The following LMO7 variants were observed in gnomAD, a reference collection of about 807,000 sequenced individuals.
LMO7 encodes LIM domain 7.
LMO7 carries 120 observed loss-of-function variants against 206.5 expected under a neutral mutation model. The observed-to-expected ratio is 0.58, with a 90% CI of 0.50 to 0.68. LMO7 has a LOEUF of 0.68. Ranked by LOEUF, LMO7 falls within the 30% of genes least tolerant of loss-of-function variation. The pLI, the probability that LMO7 is intolerant of heterozygous loss-of-function variation, is 0.00. For missense variants in LMO7, 1,959 were observed against 1,957.9 expected, an observed-to-expected ratio of 1.00 and a Z score of -0.01; for synonymous variants, 706 against 681.5, an observed-to-expected ratio of 1.04 and a Z score of -0.56.
intron 1 of LMO7, chr13:75,621,891 TTTTATA>T: frequency 6.6e-7 from 1 of 1,521,958 alleles, no homozygotes; most frequent in South Asian, 1.3e-5. Flanking sequence ...CCTTGAATAC[TTTTATA>T]TTATTACTTT....
intron 9 of LMO7, chr13:75,806,284 G>A: frequency 1.0e-6 from 1 of 983,382 alleles, no homozygotes; most frequent in South Asian, 4.7e-5. Flanking sequence ...GCATGAGCCT[G>A]CCTGCTGCGG....
Position 75,844,852 on chromosome 13 carries a change from G to T in LMO7, c.4098-475G>T, listed in dbSNP as rs370302355. The stretch of plus-strand genomic sequence containing the variant: ...TGCTGTATGCTTTAGTACCTCTTTG[G>T]AACACTAAGATGGCATTTGGTAAAT... On this transcript the variant is annotated intron_variant, in intron 25 of 30. Transcript: ENST00000377534. Among the ~76,000 whole-genome samples, 3 of 152,124 alleles carry T rather than the reference G, an allele frequency of 2.0e-5. No individual in the cohort carries two copies. The South Asian group carries it at 6.2e-4, about 32-fold the overall frequency.
Position 75,679,739 on chromosome 13 carries a change from A to G in LMO7, c.70-33443A>G, listed in dbSNP as rs940915389. Reference sequence around the variant, plus strand: ...TGGGACTGTAGGCATGTGCCACCACATTCAGTTAATTTTTGTATTTTTTGT... The same window carrying G: ...TGGGACTGTAGGCATGTGCCACCACGTTCAGTTAATTTTTGTATTTTTTGT... On this transcript the variant is annotated intron_variant, in intron 1 of 30. Transcript: ENST00000377534. 5.3e-5 allele frequency among the ~76,000 whole-genome samples: 8 copies of G among 152,148 alleles called. No homozygotes were observed. In the East Asian group the frequency reaches 1.5e-3, roughly 29 times the overall value.
intron 1 of LMO7, among the ~76,000 whole-genome samples, chr13:75,695,963 C>G (rs1350276616): frequency 6.6e-6 from 1 of 152,114 alleles, no homozygotes; most frequent in Admixed American, 6.5e-5. Flanking sequence ...AAAACTGGTC[C>G]CAAGGCTGTT....
At chr13:75,800,598 TA>T (rs1396784339) in intron 6 of LMO7, 85 bp from the exon 7 acceptor site, 34 of 1,254,966 alleles carry the variant, frequency 2.7e-5, no homozygotes, top group Non-Finnish European at 3.9e-5. Flanking sequence ...CAACTTAAAT[TA>T]GGCAAACAAG....
intron 3 of LMO7, among the ~76,000 whole-genome samples, chr13:75,759,539 T>C (rs1340007060): frequency 6.6e-6 from 1 of 152,164 alleles, no homozygotes; most frequent in Non-Finnish European, 1.5e-5. Flanking sequence ...GCTGTTCAAC[T>C]TTTGACTTGC....
At chr13:75,727,178 C>A in intron 3 of LMO7, 80 bp downstream of exon 3, 1 of 797,198 alleles carries the variant, frequency 1.3e-6, no homozygotes, top group Non-Finnish European at 2.1e-6. Context: ...ATTTTTGTAT[C>A]TGCAATTACC....
In LMO7 at chr13:75,838,455, A is replaced by G; in HGVS notation, c.3451+259A>G. 4 of 87,188 alleles carry G rather than the reference A, an allele frequency of 4.6e-5. 1 individual carries two copies. The highest frequency in any genetic ancestry group is 2.3e-4 in the East Asian group (1 of 4,336). 5.4% of individuals were successfully genotyped at this position (87,188 alleles called of 1,614,324 possible). A position where few individuals can be genotyped will look rare whatever the true frequency, so the allele number is the denominator to read the frequency against. Reference sequence around the variant, plus strand: ...TTACTTTTTTTTTTTTAACTTTGTAAAAAAAAAAAAAAAAAAAAAGGGAGA... The same window carrying G: ...TTACTTTTTTTTTTTTAACTTTGTAGAAAAAAAAAAAAAAAAAAAGGGAGA... On this transcript the variant is annotated intron_variant, in intron 20 of 30. Coordinates refer to ENST00000377534, the MANE Select transcript of LMO7 (RefSeq NM_001306080.2).
intron 2 of LMO7, among the ~76,000 whole-genome samples, chr13:75,623,896 C>A (rs1250193227): frequency 2.0e-5 from 3 of 152,136 alleles, no homozygotes; most frequent in Non-Finnish European, 4.4e-5. Context: ...TGGGAGAATA[C>A]AATCAGTTTA....
intron 1 of LMO7, among the ~76,000 whole-genome samples, chr13:75,692,807 G>T (rs769272417): frequency 2.0e-5 from 3 of 152,124 alleles, no homozygotes; most frequent in Non-Finnish European, 4.4e-5. Context: ...TTCTCTAGGA[G>T]ATTTAACTTA....
rs370412695 is a variant in LMO7 at position 75,823,655 on chromosome 13, G to T, written c.2731G>T (p.Ala911Ser). Residue 911 changes from alanine to serine, a missense_variant, in exon 15 of 31, where the codon GCA (alanine) becomes TCA (serine). Transcript: ENST00000377534. The part of the protein sequence containing the change: ...VVSTPAPSPD[A>S]SQLASSLSSQ... Reference sequence around the variant, plus strand: ...CAGCACCCCTGCACCAAGCCCGGACGCAAGCCAACTGGCTTCAAGCTTATC... The same window carrying T: ...CAGCACCCCTGCACCAAGCCCGGACTCAAGCCAACTGGCTTCAAGCTTATC... 2.0e-5 allele frequency: 32 copies of T among 1,614,102 alleles called. No homozygotes were observed. The highest frequency in any genetic ancestry group is 2.5e-5 in the Non-Finnish European group (30 of 1,179,996).
chr13:75,800,690 G>A lies in LMO7; in HGVS notation c.469G>A (p.Glu157Lys), dbSNP rs200309758. The stretch of plus-strand genomic sequence containing the variant: ...TAAAAAACGTTTTCTTTAGGCACTC[G>A]AAGACTCCAGCTTCCTGAAAAGAAG... The part of the protein sequence containing the change: ...LLGQALTKAL[E>K]DSSFLKRSGR... Residue 157 changes from glutamate (E) to lysine (K), a missense_variant, in exon 7 of 31, where the codon GAA becomes AAA. Transcript: ENST00000377534. The A allele has an allele frequency of 9.4e-5, 151 of 1,613,738 alleles. No individual in the cohort carries two copies. The highest frequency in any genetic ancestry group is 8.3e-5 in the Non-Finnish European group (98 of 1,179,834).
intron 3 of LMO7, among the ~76,000 whole-genome samples, chr13:75,747,457 G>T (rs2046939090): frequency 6.6e-6 from 1 of 152,194 alleles, no homozygotes; most frequent in Non-Finnish European, 1.5e-5. Flanking sequence ...TGTAACACGA[G>T]AAGTTAGGTG....
chr13:75,848,431 T>TCATCTATCTATCTATCTATCTATCTATC (rs1555348051), intron 26 of LMO7, among the ~76,000 whole-genome samples: 1 of 150,640 alleles, frequency 6.6e-6, no homozygotes, highest in South Asian at 2.1e-4. Flanking sequence ...TTCCATGCGA[T>TCATCTATCTATCTATCTATCTATCTATC]TATCTATCTA....
chr13:75,791,303 A>G (rs1201004859), intron 4 of LMO7, among the ~76,000 whole-genome samples: 1 of 152,168 alleles, frequency 6.6e-6, no homozygotes, highest in East Asian at 1.9e-4. Flanking sequence ...CAATTTAAAG[A>G]TAACAGGTTA....
At chr13:75,685,890 CTTTTTTTTTT>C (rs551370410) in intron 1 of LMO7, among the ~76,000 whole-genome samples, 1 of 105,976 alleles carries the variant, frequency 9.4e-6, no homozygotes, top group Non-Finnish European at 1.9e-5. Flanking sequence ...TTTTCTTTCT[CTTTTTTTTTT>C]TTTTTTTTTT....
rs1170184042 is a variant in LMO7 at position 75,859,110 on chromosome 13, C to G, written c.*1167C>G. 6.6e-6 allele frequency: 1 copy of G among 152,090 alleles called. No individual in the cohort carries two copies. The highest frequency in any genetic ancestry group is 1.5e-5 in the Non-Finnish European group (1 of 68,014). The allele number at this position is 152,090 out of a possible 1,614,324, so 9.4% of individuals were successfully genotyped here. On this transcript the variant is annotated 3_prime_UTR_variant, in exon 31 of 31. Transcript: ENST00000377534. ...GGAGCGGGAATGCAAGGATACAAAACTTTAGCATGCTTTGAGCAAAAATTT... is the reference window on the plus strand; with the variant it reads ...GGAGCGGGAATGCAAGGATACAAAAGTTTAGCATGCTTTGAGCAAAAATTT...
At chr13:75,713,977 A>C (rs963703702) in intron 2 of LMO7, among the ~76,000 whole-genome samples, 1 of 152,218 alleles carries the variant, frequency 6.6e-6, no homozygotes, top group African/African-American at 2.4e-5. Context: ...GAAGCGAGCA[A>C]ATAAATTCTA....
upstream of LMO7, among the ~76,000 whole-genome samples, chr13:75,633,105 C>T (rs967587889): frequency 3.9e-5 from 6 of 152,018 alleles, no homozygotes; most frequent in Admixed American, 2.0e-4. Flanking sequence ...CTTAGTGACC[C>T]GCCCGCCTCG....
Sources: allele counts gnomAD v4.1 joint callset (sites outside exome capture counted in the v4.1 genomes callset), GRCh38; gene constraint gnomAD v4.1.1; transcripts MANE v1.5; gene names NCBI Gene and HGNC (gene_info 2026-07-23, HGNC 2026-07-21).